Variants in NOD1 observed in about 807,000 individuals in gnomAD.
NOD1 encodes nucleotide binding oligomerization domain containing 1, also known as nucleotide-binding oligomerization domain-containing protein 1.
NOD1 carries 70 observed loss-of-function variants against 81.2 expected under a neutral mutation model. That is an observed-to-expected ratio of 0.86 (90% CI 0.71 to 1.05). The LOEUF is 1.05. Among genes scored for constraint, NOD1 ranks in the 50% least tolerant of loss-of-function variants. NOD1 has a pLI of 0.00. For missense variants in NOD1, 1,233 were observed against 1,228.0 expected (o/e 1.00, Z -0.06); for synonymous variants, 508 against 526.9 (o/e 0.96, Z 0.49).
intron 11 of NOD1, among the ~76,000 whole-genome samples, chr7:30,433,718 G>A (rs1284125976): frequency 6.6e-6 from 1 of 152,186 alleles, no homozygotes; most frequent in South Asian, 2.1e-4. Flanking sequence ...TCTGGATAAA[G>A]CACCAAAGCT....
chr7:30,452,737 C>G lies in NOD1; in HGVS notation c.680G>C (p.Gly227Ala). 1 of 1,614,004 alleles carries G rather than the reference C, an allele frequency of 6.2e-7. No homozygotes were observed. The highest frequency in any genetic ancestry group is 8.5e-7 in the Non-Finnish European group (1 of 1,180,026). ...SLWATGRLDA[G>A]VKFFFHFRCR... ...GCGAAAGTGGAAGAAGAATTTGACCCCTGCGTCTAGCCGGCCCGTGGCCCA... is the reference window on the plus strand; with the variant it reads ...GCGAAAGTGGAAGAAGAATTTGACCGCTGCGTCTAGCCGGCCCGTGGCCCA... Residue 227 changes from glycine to alanine, a missense_variant, in exon 6 of 14, where the codon GGG (glycine) becomes GCG (alanine). Coordinates refer to ENST00000222823, the MANE Select transcript of NOD1 (RefSeq NM_006092.4).
At position 30,451,119 on chromosome 7, in the gene NOD1, G is replaced by A. The variant is rs1785646504; in HGVS notation, c.2201+97C>T. 7.3e-7 allele frequency: 1 copy of A among 1,367,010 alleles called. No individual in the cohort carries two copies. Among genetic ancestry groups the A allele is most frequent in the African/African-American group, 1.4e-5 (1 of 69,462 alleles). 84.7% of individuals were successfully genotyped at this position (1,367,010 alleles called of 1,614,324 possible). A position where few individuals can be genotyped will look rare whatever the true frequency, so the allele number is the denominator to read the frequency against. Reference sequence around the variant, plus strand: ...TGGACATTCCAAGGGCCATGGTCATGAGTCCTGGGGGATCCTGGTCCATGA... The same window carrying A: ...TGGACATTCCAAGGGCCATGGTCATAAGTCCTGGGGGATCCTGGTCCATGA... On this transcript the variant is annotated intron_variant, in intron 6 of 13. Coordinates refer to ENST00000222823, the MANE Select transcript of NOD1 (RefSeq NM_006092.4). The surrounding 1 kb of genome is among the most constrained non-coding windows in gnomAD (Gnocchi z 4.2).
rs76450990 is a variant in NOD1, at chr7:30,476,272, A to G, written c.-352+2334T>C. Among the ~76,000 whole-genome samples, 391 of 152,338 alleles carry G rather than the reference A, an allele frequency of 2.6e-3. 1 individual carries two copies. The highest frequency in any genetic ancestry group is 9.1e-3 in the African/African-American group (379 of 41,572). On this transcript the variant is annotated intron_variant, in intron 1 of 13. Coordinates refer to ENST00000222823, the MANE Select transcript of NOD1 (RefSeq NM_006092.4). ...ATATCAGTGATCACACATACACTAG[A>G]AAAACACTTGATCTTTATGCCTATA...
At chr7:30,433,061 A>G in intron 12 of NOD1, 35 bp downstream of exon 12, 4 of 1,455,874 alleles carry the variant, frequency 2.7e-6, no homozygotes, top group Non-Finnish European at 2.9e-6. Flanking sequence ...TTTGAAAAGT[A>G]GCACAGTCTG....
intron 11 of NOD1, 73 bp from the exon 12 acceptor site, chr7:30,433,252 G>A (rs577374590): frequency 1.6e-5 from 20 of 1,221,382 alleles, no homozygotes; most frequent in South Asian, 9.9e-5. Flanking sequence ...TCACAGGAGC[G>A]GGAGCTCAGC....
chr7:30,451,190 T>A lies in NOD1; in HGVS notation c.2201+26A>T. The A allele has an allele frequency of 6.2e-7, 1 of 1,603,284 alleles. No individual in the cohort carries two copies. Among genetic ancestry groups the A allele is most frequent in the African/African-American group, 1.3e-5 (1 of 74,888 alleles). Reference sequence around the variant, plus strand: ...GAGCCTGGCCCGCCCGGCCCACCTGTTGCTCCCCTTGCCTGGCAGCCTCAC... The same window carrying A: ...GAGCCTGGCCCGCCCGGCCCACCTGATGCTCCCCTTGCCTGGCAGCCTCAC... On this transcript the variant is annotated intron_variant, in intron 6 of 13. Transcript: ENST00000222823. This position sits in a 1 kb window ranked among gnomAD's most constrained non-coding sequence, Gnocchi z 4.2.
rs1440540599 is a variant in NOD1, at chr7:30,467,319, G to C, written c.-351-7278C>G. 6.6e-6 allele frequency among the ~76,000 whole-genome samples: 1 copy of C among 151,446 alleles called. No individual in the cohort carries two copies. Among genetic ancestry groups the C allele is most frequent in the African/African-American group, 2.4e-5 (1 of 41,348 alleles). On this transcript the variant is annotated intron_variant, in intron 1 of 13. Transcript: ENST00000222823. This position sits in a 1 kb window ranked among gnomAD's most constrained non-coding sequence, Gnocchi z 4.5. ...TCTGGAAAGGGAGAGGACACCAGGAGTAGGGTAGGACTTTTATTCGTAATG... is the reference window on the plus strand; with the variant it reads ...TCTGGAAAGGGAGAGGACACCAGGACTAGGGTAGGACTTTTATTCGTAATG...
At chr7:30,431,354 A>G (rs569645722) in intron 12 of NOD1, among the ~76,000 whole-genome samples, 106 of 152,374 alleles carry the variant, frequency 7.0e-4, no homozygotes, top group African/African-American at 2.5e-3. Context: ...TGGTCTAAAC[A>G]ATCTTGAGAA....
chr7:30,436,996 T>C (rs1784433594), intron 10 of NOD1, among the ~76,000 whole-genome samples: 1 of 152,080 alleles, frequency 6.6e-6, no homozygotes, highest in Non-Finnish European at 1.5e-5. Flanking sequence ...AGTGATAGAC[T>C]GGATAAAGAA....
At chr7:30,437,744 T>C (rs1321972514) in intron 9 of NOD1, 88 bp from the exon 10 acceptor site, 1 of 863,528 alleles carries the variant, frequency 1.2e-6, no homozygotes, top group East Asian at 3.3e-5. Flanking sequence ...CACAGCTCAG[T>C]TCCTACTCAA....
rs1783301452 is a variant in NOD1 at position 30,424,612 on chromosome 7, GCCA to G, written c.*1023_*1025del. The G allele has an allele frequency of 2.0e-5, 3 of 152,090 alleles. No individual in the cohort carries two copies. The South Asian group carries it at 6.2e-4, about 31-fold the overall frequency. 9.4% of individuals were successfully genotyped at this position (152,090 alleles called of 1,614,324 possible). On this transcript the variant is annotated 3_prime_UTR_variant, in exon 14 of 14. Transcript: ENST00000222823. ...GTATCACCCCCACCCTCATGGAGCAGCCACCACAAGCCCACCATGGTGGGGGGT... is the reference window on the plus strand; with the variant it reads ...GTATCACCCCCACCCTCATGGAGCAGCCACAAGCCCACCATGGTGGGGGGT...
rs374011052 is a variant in NOD1 at position 30,425,654 on chromosome 7, C to T, written c.2846G>A (p.Arg949Gln). The T allele has an allele frequency of 1.8e-5, 29 of 1,612,998 alleles. No homozygotes were observed. Among genetic ancestry groups the T allele is most frequent in the Admixed American group, 3.3e-5 (2 of 59,966 alleles). The change falls in exon 14 of 14, where the codon CGG becomes CAG. Residue 949 changes from arginine (R) to glutamine (Q), a missense_variant. Arg to Gln is a conservative substitution (Grantham distance 43). Coordinates refer to ENST00000222823, the MANE Select transcript of NOD1 (RefSeq NM_006092.4). ...AGCATCCTCTCAGAAACAGATAATCCGCTTCTCATCTTCATAGACTTTGGC... is the reference window on the plus strand; with the variant it reads ...AGCATCCTCTCAGAAACAGATAATCTGCTTCTCATCTTCATAGACTTTGGC... ...EEAKVYEDEK[R>Q]IICF
At chr7:30,426,295 T>G (rs1198787313) in intron 13 of NOD1, among the ~76,000 whole-genome samples, 2 of 152,036 alleles carry the variant, frequency 1.3e-5, no homozygotes, top group African/African-American at 4.8e-5. Context: ...TAGGGTCCCC[T>G]GGCTTAGTGA....
chr7:30,451,357 G>A lies in NOD1; in HGVS notation c.2060C>T (p.Ala687Val), dbSNP rs1435041019. The A allele has an allele frequency of 1.2e-6, 2 of 1,614,214 alleles. No homozygotes were observed. Among genetic ancestry groups the A allele is most frequent in the African/African-American group, 1.3e-5 (1 of 75,080 alleles). The change falls in exon 6 of 14, where the codon GCC (alanine) becomes GTC (valine). Residue 687 changes from alanine to valine, a missense_variant. Physicochemically the swap from Ala to Val is moderately conservative, Grantham distance 64 (BLOSUM62 0). Coordinates refer to ENST00000222823, the MANE Select transcript of NOD1 (RefSeq NM_006092.4). This position sits in a 1 kb window ranked among gnomAD's most constrained non-coding sequence, Gnocchi z 4.2. ...ANYLKLTYCN[A>V]CSADCSALSF... Reference sequence around the variant, plus strand: ...GAGGGCGCTGCAGTCGGCCGAGCAGGCGTTGCAGTAGGTCAGCTTGAGGTA... The same window carrying A: ...GAGGGCGCTGCAGTCGGCCGAGCAGACGTTGCAGTAGGTCAGCTTGAGGTA...
chr7:30,470,261 C>T (rs923848769), intron 1 of NOD1, among the ~76,000 whole-genome samples: 20 of 152,190 alleles, frequency 1.3e-4, no homozygotes, highest in African/African-American at 4.3e-4. Flanking sequence ...CACGTACATA[C>T]GGTATTTAGA....
chr7:30,437,171 C>A (rs1211014915), intron 10 of NOD1, among the ~76,000 whole-genome samples: 1 of 150,336 alleles, frequency 6.7e-6, no homozygotes, highest in African/African-American at 2.4e-5. Flanking sequence ...GGGAGTTGAA[C>A]AATGAGAACA....
intron 11 of NOD1, 151 bp downstream of exon 11, chr7:30,435,847 A>G (rs1784334934): frequency 1.6e-6 from 1 of 623,434 alleles, no homozygotes; most frequent in East Asian, 2.8e-5. Flanking sequence ...TAGTCTCAGG[A>G]CTCGGAAGGC....
At chr7:30,432,945 G>A (rs1009667196) in intron 12 of NOD1, 151 bp downstream of exon 12, 1 of 637,500 alleles carries the variant, frequency 1.6e-6, no homozygotes, top group Non-Finnish European at 2.7e-6. Context: ...GAGGAGGAGT[G>A]AAAATGTTCT....
rs1583758989 is a variant in NOD1, at chr7:30,451,611, T to C, written c.1806A>G (p.Lys602=). The C allele has an allele frequency of 6.2e-7, 1 of 1,613,606 alleles. No homozygotes were observed. Among genetic ancestry groups the C allele is most frequent in the South Asian group, 1.1e-5 (1 of 91,072 alleles). The part of the protein sequence containing the change: ...LCGLLSKAKQ[K]LLRHLVPAAA... ...CCGCGGGCACCAGATGCCGCAGGAG[T>C]TTCTGTTTGGCTTTGGACAACAGCC... The change falls in exon 6 of 14, where the codon AAA becomes AAG. Residue 602 remains lysine, a synonymous_variant. Transcript: ENST00000222823. This position sits in a 1 kb window ranked among gnomAD's most constrained non-coding sequence, Gnocchi z 4.2.
Sources: allele counts gnomAD v4.1 joint callset (sites outside exome capture counted in the v4.1 genomes callset), GRCh38; gene constraint gnomAD v4.1.1; non-coding constraint Gnocchi (gnomAD v3.1); transcripts MANE v1.5; gene names NCBI Gene and HGNC (gene_info 2026-07-23, HGNC 2026-07-21).